GCSH: variants seen among roughly 807,000 people sequenced by gnomAD.
The protein encoded by GCSH is glycine cleavage system H protein, mitochondrial.
In GCSH, 15 loss-of-function variants were observed where a neutral mutation model predicts 21.3. That is an observed-to-expected ratio of 0.70 (90% CI 0.47 to 1.08). The LOEUF (loss-of-function observed/expected upper bound fraction) is 1.08. Ranked by LOEUF, GCSH falls within the 50% of genes least tolerant of loss-of-function variation. The probability of loss-of-function intolerance (pLI) is 0.00; values close to 1 mark genes in which losing one functional copy is unlikely to be tolerated. For missense variants in GCSH, 179 were observed against 217.5 expected, an observed-to-expected ratio of 0.82 and a Z score of 1.11; for synonymous variants, 59 against 84.5, an observed-to-expected ratio of 0.70 and a Z score of 1.66.
intron 1 of GCSH, among the ~76,000 whole-genome samples, chr16:81,091,951 C>G (rs553815055): frequency 1.3e-5 from 2 of 151,902 alleles, no homozygotes; most frequent in African/African-American, 4.8e-5. Context: ...TTTCTTTTCC[C>G]CTTAATTATG....
chr16:81,083,570 G>C (rs1330555827), intron 4 of GCSH: 1 of 155,626 alleles, frequency 6.4e-6, no homozygotes, highest in East Asian at 1.9e-4. Context: ...CACAAGACCA[G>C]GTATGTCTTT....
At chr16:81,083,304 G>A (rs1291878145) in intron 4 of GCSH, 3 of 325,404 alleles carry the variant, frequency 9.2e-6, no homozygotes, top group African/African-American at 6.5e-5. Flanking sequence ...AATCACTTGA[G>A]GCTAGGAGCT....
In GCSH at chr16:81,096,355, G is replaced by C; in HGVS notation, c.-77C>G. On this transcript the variant is annotated 5_prime_UTR_variant, in exon 1 of 5. Transcript: ENST00000315467. Reference sequence around the variant, plus strand: ...GAGGCGGGGCGGGGAGGGGCAGTTCGCGGCCGGAGGGAGCCGGCTGGATGG... The same window carrying C: ...GAGGCGGGGCGGGGAGGGGCAGTTCCCGGCCGGAGGGAGCCGGCTGGATGG... The C allele has an allele frequency of 8.8e-7, 1 of 1,136,062 alleles. No individual in the cohort carries two copies. The highest frequency in any genetic ancestry group is 2.1e-5 in the South Asian group (1 of 48,738). The allele number at this position is 1,136,062 out of a possible 1,614,324, so 70.4% of individuals were successfully genotyped here.
rs960265335 is a variant in GCSH, at chr16:81,096,047, C to G, written c.148+84G>C. Reference sequence around the variant, plus strand: ...GCCCCGGTGGCTCAGGAGCGGTGCCCCGGCGTCCTCCGTGTCCCGCTGGGC... The same window carrying G: ...GCCCCGGTGGCTCAGGAGCGGTGCCGCGGCGTCCTCCGTGTCCCGCTGGGC... On this transcript the variant is annotated intron_variant, in intron 1 of 4. Coordinates refer to ENST00000315467, the MANE Select transcript of GCSH (RefSeq NM_004483.5). 3.3e-4 allele frequency: 376 copies of G among 1,138,770 alleles called. 1 individual carries two copies. Among genetic ancestry groups the G allele is most frequent in the Non-Finnish European group, 3.9e-4 (350 of 903,570 alleles). The allele number at this position is 1,138,770 out of a possible 1,614,324, so 70.5% of individuals were successfully genotyped here.
intron 1 of GCSH, chr16:81,090,920 T>C: frequency 1.7e-6 from 1 of 581,284 alleles, no homozygotes; most frequent in South Asian, 1.9e-5. Context: ...TTTTGGAGAT[T>C]GGATTATCTG....
chr16:81,085,281 G>A (rs1972250553), intron 3 of GCSH, among the ~76,000 whole-genome samples: 1 of 152,088 alleles, frequency 6.6e-6, no homozygotes, highest in African/African-American at 2.4e-5. Flanking sequence ...CCAAAGTGCT[G>A]GGATTATAAC....
intron 3 of GCSH, among the ~76,000 whole-genome samples, chr16:81,086,570 GA>G (rs112838892): frequency 4.0e-5 from 6 of 148,966 alleles, no homozygotes; most frequent in Non-Finnish European, 8.9e-5. Flanking sequence ...AAAATAAGAA[GA>G]AAAAAAAAAG....
intron 2 of GCSH, among the ~76,000 whole-genome samples, chr16:81,088,678 G>C (rs1037767564): frequency 6.6e-6 from 1 of 152,160 alleles, no homozygotes; most frequent in Admixed American, 6.6e-5. Context: ...TAGGATTACA[G>C]GTGTGAGCCA....
intron 3 of GCSH, among the ~76,000 whole-genome samples, chr16:81,085,775 A>G (rs8177937): frequency 0.037 from 5,647 of 152,050 alleles, 288 homozygotes; most frequent in African/African-American, 0.12. Flanking sequence ...CAGGAGAATC[A>G]CTTGAACCCG....
chr16:81,096,002 G>T (rs1041672964), intron 1 of GCSH, 129 bp downstream of exon 1: 2 of 740,584 alleles, frequency 2.7e-6, no homozygotes, highest in Non-Finnish European at 3.7e-6. Context: ...TAAGAAGGGG[G>T]CAGGGTCCGC....
At chr16:81,094,322 T>C (rs920282029) in intron 1 of GCSH, among the ~76,000 whole-genome samples, 15 of 152,248 alleles carry the variant, frequency 9.9e-5, no homozygotes, top group South Asian at 4.1e-4. Flanking sequence ...AGATAAAATA[T>C]TTTATATTAG....
chr16:81,095,045 A>G (rs1972473605), intron 1 of GCSH, among the ~76,000 whole-genome samples: 1 of 151,824 alleles, frequency 6.6e-6, no homozygotes, highest in East Asian at 1.9e-4. Flanking sequence ...GTGAGCCGAG[A>G]TCACGCCGCT....
intron 3 of GCSH, among the ~76,000 whole-genome samples, chr16:81,085,480 C>T (rs991395818): frequency 2.6e-5 from 4 of 152,108 alleles, no homozygotes; most frequent in Non-Finnish European, 4.4e-5. Context: ...CAGTAAAACT[C>T]CATGTTCTTG....
chr16:81,085,108 G>A (rs568191780), intron 3 of GCSH, among the ~76,000 whole-genome samples: 7 of 138,742 alleles, frequency 5.0e-5, no homozygotes, highest in Admixed American at 2.4e-4. Flanking sequence ...TCTGCCTCCC[G>A]GGTTCAAGCC....
chr16:81,091,005 G>C, intron 1 of GCSH: 1 of 459,882 alleles, frequency 2.2e-6, no homozygotes, highest in Non-Finnish European at 4.1e-6. Flanking sequence ...ACTATTACTG[G>C]TCTGTCTTGC....
intron 1 of GCSH, among the ~76,000 whole-genome samples, chr16:81,093,995 G>C (rs568379644): frequency 2.6e-5 from 4 of 151,902 alleles, no homozygotes; most frequent in Non-Finnish European, 5.9e-5. Flanking sequence ...TCTGCCTCCC[G>C]GGTTCAAGTG....
intron 1 of GCSH, among the ~76,000 whole-genome samples, chr16:81,095,375 T>A (rs1237933583): frequency 2.4e-5 from 1 of 42,394 alleles, no homozygotes; most frequent in Non-Finnish European, 5.1e-5. Flanking sequence ...TCTGGCGCTT[T>A]AATTTTTTTT....
intron 1 of GCSH, among the ~76,000 whole-genome samples, chr16:81,094,786 T>C (rs992659678): frequency 1.3e-5 from 2 of 151,968 alleles, no homozygotes; most frequent in African/African-American, 4.8e-5. Flanking sequence ...AGTCAGTGTA[T>C]CAAACATTTG....
intron 1 of GCSH, chr16:81,090,988 A>AAAG (rs1972386613): frequency 2.1e-6 from 1 of 478,314 alleles, no homozygotes; most frequent in East Asian, 4.9e-5. Context: ...TTTCAAATGT[A>AAAG]TACTTAACTA....
Sources: gnomAD v4.1 joint callset for allele counts (sites outside exome capture counted in the v4.1 genomes callset) on GRCh38, gnomAD v4.1.1 for gene constraint, MANE v1.5 for transcripts, NCBI Gene and HGNC (gene_info 2026-07-23, HGNC 2026-07-21) for gene names.